The following SLC25A42 variants were observed in gnomAD, a reference collection of about 807,000 sequenced individuals.
The protein encoded by SLC25A42 is mitochondrial coenzyme A transporter SLC25A42.
Under a neutral mutation model 34.7 loss-of-function variants are expected in SLC25A42, and 19 were observed. That is an observed-to-expected ratio of 0.55 (90% confidence interval 0.38 to 0.80). The LOEUF (loss-of-function observed/expected upper bound fraction) is 0.80. Among genes scored for constraint, SLC25A42 ranks in the 30% least tolerant of loss-of-function variants. SLC25A42 has a pLI of 0.00. For missense variants in SLC25A42, 364 were observed against 441.3 expected, an observed-to-expected ratio of 0.82 and a Z score of 1.57; for synonymous variants, 205 against 191.2, an observed-to-expected ratio of 1.07 and a Z score of -0.59.
chr19:19,079,869 C>A (rs1279515341), intron 1 of SLC25A42, among the ~76,000 whole-genome samples: 1 of 152,192 alleles, frequency 6.6e-6, no homozygotes, highest in East Asian at 1.9e-4. Context: ...CCATGACCAA[C>A]CCCATGCACA....
intron 1 of SLC25A42, among the ~76,000 whole-genome samples, chr19:19,079,129 C>T (rs986113405): frequency 2.6e-5 from 4 of 151,730 alleles, no homozygotes; most frequent in African/African-American, 7.3e-5. Flanking sequence ...AATCTCGGCT[C>T]ACTGCAACCT....
Position 19,110,734 on chromosome 19 carries a change from G to C in SLC25A42, c.815G>C (p.Arg272Pro). Residue 272 changes from arginine (R) to proline (P), a missense_variant, in exon 8 of 8, where the codon CGC (arginine) becomes CCC (proline). Physicochemically the swap from Arg to Pro is moderately radical, Grantham distance 103 (BLOSUM62 -2). Transcript: ENST00000318596. ...YPRASIARTLRTIVREEGAVR... is the reference protein window; with the variant it reads ...YPRASIARTLPTIVREEGAVR... ...CGCGCCTCCATCGCCCGCACGCTGC[G>C]CACCATCGTGCGGGAGGAGGGCGCC... 6.2e-7 allele frequency: 1 copy of C among 1,610,982 alleles called. No homozygotes were observed. Among genetic ancestry groups the C allele is most frequent in the Non-Finnish European group, 8.5e-7 (1 of 1,178,976 alleles).
At chr19:19,091,340 C>T (rs571631304) in intron 1 of SLC25A42, among the ~76,000 whole-genome samples, 2 of 152,048 alleles carry the variant, frequency 1.3e-5, no homozygotes, top group Non-Finnish European at 2.9e-5. Flanking sequence ...CGCCTATAAT[C>T]CCAGCTAATC....
rs2059614863 is a variant in SLC25A42 at position 19,068,765 on chromosome 19, G to A, written c.-35+4650G>A. On this transcript the variant is annotated intron_variant, in intron 1 of 7. Coordinates refer to ENST00000318596, the MANE Select transcript of SLC25A42 (RefSeq NM_178526.5). ...AGGCAGGAGAATCGTTTGAACCCTG[G>A]AGGCGGAGGTTGCAGTGAGCTGAGA... Among the ~76,000 whole-genome samples the A allele has an allele frequency of 2.6e-5, 4 of 152,158 alleles. No individual in the cohort carries two copies. In the South Asian group the frequency reaches 8.3e-4, roughly 32 times the overall value.
intron 6 of SLC25A42, 32 bp from the exon 7 acceptor site, chr19:19,107,862 G>A: frequency 1.2e-6 from 2 of 1,613,138 alleles, no homozygotes; most frequent in Non-Finnish European, 1.7e-6. Context: ...GGAGGCCTGA[G>A]TCCCACCTGC....
At chr19:19,087,020 A>G (rs2059711683) in intron 1 of SLC25A42, among the ~76,000 whole-genome samples, 1 of 152,048 alleles carries the variant, frequency 6.6e-6, no homozygotes, top group South Asian at 2.1e-4. Flanking sequence ...AATTGATACA[A>G]TGTTATTAAC....
At position 19,108,048 on chromosome 19, in the gene SLC25A42, A is replaced by G; in HGVS notation, c.649+3A>G. 6.4e-7 allele frequency: 1 copy of G among 1,563,016 alleles called. No homozygotes were observed. Among genetic ancestry groups the G allele is most frequent in the Non-Finnish European group, 8.7e-7 (1 of 1,151,840 alleles). ...GACGCTCAAGAGCTTGCACAGAGGT[A>G]AGGAGAGCTGGGAGCATGAGGAGGG... On this transcript the variant is annotated splice_donor_region_variant and intron_variant, in intron 7 of 7. Coordinates refer to ENST00000318596, the MANE Select transcript of SLC25A42 (RefSeq NM_178526.5).
rs138036287 is a variant in SLC25A42 at position 19,105,645 on chromosome 19, G to A, written c.298G>A (p.Val100Met). 2.5e-6 allele frequency: 4 copies of A among 1,613,644 alleles called. No individual in the cohort carries two copies. In the African/African-American group the frequency reaches 4.0e-5, roughly 16 times the overall value. The change falls in exon 5 of 8, where the codon GTG (valine) becomes ATG (methionine). Residue 100 changes from valine (V) to methionine (M), a missense_variant. By Grantham distance (21) the Val-to-Met change is conservative (BLOSUM62 1). Coordinates refer to ENST00000318596, the MANE Select transcript of SLC25A42 (RefSeq NM_178526.5). ...WRGNSATMVRVVPYAAIQFSA... is the reference protein window; with the variant it reads ...WRGNSATMVRMVPYAAIQFSA... Reference sequence around the variant, plus strand: ...CGGGAACTCGGCCACCATGGTGCGCGTGGTGCCCTACGCCGCCATCCAGTT... The same window carrying A: ...CGGGAACTCGGCCACCATGGTGCGCATGGTGCCCTACGCCGCCATCCAGTT...
At chr19:19,094,934 C>A (rs1235095435) in intron 1 of SLC25A42, among the ~76,000 whole-genome samples, 1 of 152,126 alleles carries the variant, frequency 6.6e-6, no homozygotes, top group Non-Finnish European at 1.5e-5. Context: ...GTGGCTCATG[C>A]TTGTAATCCC....
At chr19:19,090,542 A>G (rs777436294) in intron 1 of SLC25A42, among the ~76,000 whole-genome samples, 1 of 152,096 alleles carries the variant, frequency 6.6e-6, no homozygotes, top group Non-Finnish European at 1.5e-5. Flanking sequence ...AAAGGATCTG[A>G]TCTGGCTGGG....
At chr19:19,071,448 C>T (rs919598326) in intron 1 of SLC25A42, among the ~76,000 whole-genome samples, 6 of 152,158 alleles carry the variant, frequency 3.9e-5, no homozygotes, top group African/African-American at 1.2e-4. Context: ...CCATATTGGT[C>T]AGTCTTGAGG....
At chr19:19,101,390 C>T (rs547363855) in intron 2 of SLC25A42, among the ~76,000 whole-genome samples, 106 of 152,304 alleles carry the variant, frequency 7.0e-4, no homozygotes, top group Non-Finnish European at 1.4e-3. Context: ...AACCCCCTGA[C>T]CCCAACGGTC....
rs958957070 is a variant in SLC25A42 at position 19,110,944 on chromosome 19, G to C, written c.*68G>C. On this transcript the variant is annotated 3_prime_UTR_variant, in exon 8 of 8. Coordinates refer to ENST00000318596, the MANE Select transcript of SLC25A42 (RefSeq NM_178526.5). ...TTGTATTCTGGGCCCATGGAACGGT[G>C]GGGGGGTGCGCTTGATTCTACTTCA... 49 of 1,536,920 alleles carry C rather than the reference G, an allele frequency of 3.2e-5. 2 individuals are homozygous for C. The highest frequency in any genetic ancestry group is 1.8e-4 in the Middle Eastern group (1 of 5,442).
intron 1 of SLC25A42, among the ~76,000 whole-genome samples, chr19:19,071,865 C>CA (rs200399651): frequency 7.6e-4 from 106 of 138,662 alleles, no homozygotes; most frequent in East Asian, 1.9e-3. Flanking sequence ...GAATCCGTCT[C>CA]AAAAAAAAAA....
In SLC25A42 at chr19:19,081,515, C is replaced by T. The variant is rs532021276; in HGVS notation, c.-34-14576C>T. Among the ~76,000 whole-genome samples the T allele has an allele frequency of 1.1e-4, 17 of 152,264 alleles. No individual in the cohort carries two copies. The highest frequency in any genetic ancestry group is 4.1e-4 in the South Asian group (2 of 4,830). On this transcript the variant is annotated intron_variant, in intron 1 of 7. Transcript: ENST00000318596. The surrounding 1 kb of genome is among the most constrained non-coding windows in gnomAD (Gnocchi z 4.5). ...GACAACCTCTTCTCGCTTGGGAAGC[C>T]GAGGTGGGGGCTGATGGGCGTAGGT... is the stretch of plus-strand genomic sequence containing the variant.
intron 3 of SLC25A42, among the ~76,000 whole-genome samples, chr19:19,104,501 G>C (rs1236067100): frequency 6.6e-6 from 1 of 152,226 alleles, no homozygotes; most frequent in Non-Finnish European, 1.5e-5. Flanking sequence ...GCCACAGGGG[G>C]TGGGAGAGGC....
intron 1 of SLC25A42, among the ~76,000 whole-genome samples, chr19:19,082,800 C>A (rs2145905994): frequency 6.6e-6 from 1 of 152,088 alleles, no homozygotes; most frequent in African/African-American, 2.4e-5. Context: ...GTATGTGCCA[C>A]CAAGCCCAAC....
chr19:19,066,850 G>A lies in SLC25A42; in HGVS notation c.-35+2735G>A, dbSNP rs183864273. The stretch of plus-strand genomic sequence containing the variant: ...CATTGAACGTATTTGGGCTCCAGCC[G>A]TGCTCAGACACTTCAGACCCCCCTG... On this transcript the variant is annotated intron_variant, in intron 1 of 7. Transcript: ENST00000318596. Among the ~76,000 whole-genome samples the A allele has an allele frequency of 2.4e-4, 37 of 152,114 alleles. 1 individual carries two copies. Among genetic ancestry groups the A allele is most frequent in the Admixed American group, 5.2e-4 (8 of 15,278 alleles).
chr19:19,067,019 C>A, intron 1 of SLC25A42, among the ~76,000 whole-genome samples: 1 of 79,078 alleles, frequency 1.3e-5, no homozygotes, highest in South Asian at 4.9e-4. Context: ...TAGACCCTGT[C>A]TCAAAAAAAA....
Sources: gnomAD v4.1 joint callset for allele counts (sites outside exome capture counted in the v4.1 genomes callset) on GRCh38, gnomAD v4.1.1 for gene constraint, Gnocchi (gnomAD v3.1) non-coding constraint, MANE v1.5 for transcripts, NCBI Gene and HGNC (gene_info 2026-07-23, HGNC 2026-07-21) for gene names.